The following CERS6 variants were observed in gnomAD, a reference collection of about 807,000 sequenced individuals.
CERS6 encodes the protein LAG1 homolog, ceramide synthase 6.
CERS6 carries 26 observed loss-of-function variants against 56.8 expected under a neutral mutation model. The ratio of observed to expected loss-of-function variants is 0.46; its 90% CI spans 0.34 to 0.63. The LOEUF (loss-of-function observed/expected upper bound fraction) is 0.63. CERS6 is among the 30% of genes least tolerant of loss of function. CERS6 has a pLI of 0.01. For missense variants in CERS6, 415 were observed against 467.5 expected (o/e 0.89, Z 1.04); for synonymous variants, 164 against 173.3 (o/e 0.95, Z 0.42).
intron 4 of CERS6, among the ~76,000 whole-genome samples, chr2:168,671,542 C>G (rs1382285256): frequency 6.6e-6 from 1 of 152,084 alleles, no homozygotes; most frequent in East Asian, 1.9e-4. Context: ...TTTTTCCAGG[C>G]ACAAAATTAC....
intron 8 of CERS6, among the ~76,000 whole-genome samples, chr2:168,757,450 A>G (rs73969944): frequency 0.017 from 2,654 of 152,218 alleles, 94 homozygotes; most frequent in African/African-American, 0.06. Context: ...TGGCCTGGCT[A>G]TGACCTAAAA....
chr2:168,624,765 T>C (rs79003681), intron 3 of CERS6, among the ~76,000 whole-genome samples: 2,619 of 152,228 alleles, frequency 0.017, 102 homozygotes, highest in East Asian at 0.16. Context: ...TTTTATAAAT[T>C]CCATTGTACT....
chr2:168,726,325 A>G (rs1683349273), intron 8 of CERS6, among the ~76,000 whole-genome samples: 1 of 152,202 alleles, frequency 6.6e-6, no homozygotes. Context: ...TGTCCTTTCT[A>G]CAATACAATA....
chr2:168,464,715 A>T (rs558965266), intron 1 of CERS6, among the ~76,000 whole-genome samples: 1 of 151,066 alleles, frequency 6.6e-6, no homozygotes, highest in African/African-American at 2.4e-5. Context: ...AAAAAAAACT[A>T]CTCTACTCCT....
intron 4 of CERS6, among the ~76,000 whole-genome samples, chr2:168,681,864 A>G (rs573770028): frequency 5.9e-5 from 9 of 152,282 alleles, no homozygotes; most frequent in African/African-American, 2.2e-4. Context: ...TTTAGCTTCT[A>G]CATATGAGTG....
chr2:168,677,880 G>A (rs185510134), intron 4 of CERS6, among the ~76,000 whole-genome samples: 66 of 152,254 alleles, frequency 4.3e-4, no homozygotes, highest in East Asian at 4.1e-3. Flanking sequence ...GAAAGTGGGC[G>A]AAGGATATAA....
At chr2:168,748,820 G>A (rs780016965) in intron 8 of CERS6, among the ~76,000 whole-genome samples, 12 of 124,286 alleles carry the variant, frequency 9.7e-5, no homozygotes, top group Middle Eastern at 3.5e-3. Flanking sequence ...CAGAAATGGC[G>A]TGGTTGGGGG....
intron 6 of CERS6, among the ~76,000 whole-genome samples, chr2:168,713,718 A>G (rs1467720530): frequency 6.6e-6 from 1 of 152,172 alleles, no homozygotes; most frequent in Non-Finnish European, 1.5e-5. Context: ...CCCCACCAGT[A>G]TGCAGTATAC....
intron 1 of CERS6, among the ~76,000 whole-genome samples, chr2:168,495,936 C>G (rs1694459142): frequency 6.6e-6 from 1 of 152,196 alleles, no homozygotes; most frequent in South Asian, 2.1e-4. Flanking sequence ...CACCCTGTCT[C>G]CCAACTACCC....
At chr2:168,505,396 A>AAG (rs1553486010) in intron 1 of CERS6, among the ~76,000 whole-genome samples, 3 of 150,178 alleles carry the variant, frequency 2.0e-5, no homozygotes, top group Admixed American at 6.6e-5. Flanking sequence ...AAAAAAAAAA[A>AAG]AAAAAGAAAA....
chr2:168,672,295 T>C (rs551709289), intron 4 of CERS6, among the ~76,000 whole-genome samples: 1 of 152,356 alleles, frequency 6.6e-6, no homozygotes, highest in East Asian at 1.9e-4. Context: ...TTCAGTTGTT[T>C]GCACAGGCAG....
At chr2:168,647,577 C>T (rs1166945880) in intron 4 of CERS6, among the ~76,000 whole-genome samples, 1 of 152,020 alleles carries the variant, frequency 6.6e-6, no homozygotes, top group Non-Finnish European at 1.5e-5. Flanking sequence ...GAGAGAGATC[C>T]TTGTCTTGTG....
intron 8 of CERS6, among the ~76,000 whole-genome samples, chr2:168,730,075 G>A (rs7561689): frequency 0.94 from 142,442 of 152,298 alleles, 66,842 homozygotes; most frequent in Non-Finnish European, 0.98. Context: ...GCCCATGTGC[G>A]TCTTTCCTTA....
At chr2:168,458,508 A>G (rs573077733) in intron 1 of CERS6, among the ~76,000 whole-genome samples, 1 of 152,158 alleles carries the variant, frequency 6.6e-6, no homozygotes, top group East Asian at 1.9e-4. Context: ...AACATTTTTT[A>G]TTTTCTTTCT....
intron 6 of CERS6, among the ~76,000 whole-genome samples, 183 bp downstream of exon 6, chr2:168,695,234 T>A (rs1459233178): frequency 2.0e-5 from 3 of 152,170 alleles, no homozygotes; most frequent in Non-Finnish European, 4.4e-5. Flanking sequence ...TTTTTTCTAT[T>A]GTTTCTTCGC....
At chr2:168,736,094 G>A (rs1165696691) in intron 8 of CERS6, among the ~76,000 whole-genome samples, 2 of 151,820 alleles carry the variant, frequency 1.3e-5, no homozygotes, top group Admixed American at 1.3e-4. Flanking sequence ...GTTTTGATTT[G>A]GTATTAATTT....
At chr2:168,536,591 A>C (rs1456113055) in intron 1 of CERS6, among the ~76,000 whole-genome samples, 1 of 152,160 alleles carries the variant, frequency 6.6e-6, no homozygotes, top group African/African-American at 2.4e-5. Context: ...AAAAAAGAAC[A>C]ACAGTGTAAG....
intron 8 of CERS6, among the ~76,000 whole-genome samples, chr2:168,762,283 T>A (rs543943128): frequency 1.7e-3 from 262 of 152,366 alleles, no homozygotes; most frequent in African/African-American, 5.6e-3. Context: ...TTGCTGTTTT[T>A]AAAATACTTA....
intron 4 of CERS6, among the ~76,000 whole-genome samples, chr2:168,685,169 T>C (rs74724434): frequency 2.0e-5 from 3 of 152,354 alleles, no homozygotes; most frequent in Non-Finnish European, 4.4e-5. Context: ...TAGCAAAAGA[T>C]GAAATTTGCC....
Sources: gnomAD v4.1 joint callset for allele counts (sites outside exome capture counted in the v4.1 genomes callset) on GRCh38, gnomAD v4.1.1 for gene constraint, MANE v1.5 for transcripts, NCBI Gene and HGNC (gene_info 2026-07-23, HGNC 2026-07-21) for gene names.